The following LRRC28 variants were observed in gnomAD, a reference collection of about 807,000 sequenced individuals.
The protein encoded by LRRC28 is leucine-rich repeat-containing protein 28.
LRRC28 carries 39 observed loss-of-function variants against 45.7 expected under a neutral mutation model. The ratio of observed to expected loss-of-function variants is 0.85; its 90% CI spans 0.66 to 1.12. LRRC28 has a LOEUF of 1.12. Among genes scored for constraint, LRRC28 ranks in the 50% most tolerant of loss-of-function variants. LRRC28 has a pLI of 0.00. For missense variants in LRRC28, 435 were observed against 438.5 expected (o/e 0.99, Z 0.07); for synonymous variants, 206 against 178.8 (o/e 1.15, Z -1.22).
chr15:99,253,317 C>T (rs1231322208), intron 1 of LRRC28, among the ~76,000 whole-genome samples: 2 of 152,108 alleles, frequency 1.3e-5, no homozygotes, highest in African/African-American at 2.4e-5. Flanking sequence ...GATGGGGTTT[C>T]GCCAAGTTGG....
chr15:99,353,847 T>C (rs1271709379), intron 7 of LRRC28: 1 of 152,208 alleles, frequency 6.6e-6, no homozygotes, highest in Non-Finnish European at 1.5e-5. Flanking sequence ...TAGATATAGA[T>C]GTTATTGACT....
intron 5 of LRRC28, among the ~76,000 whole-genome samples, chr15:99,301,641 C>T (rs1954973505): frequency 2.0e-5 from 3 of 152,080 alleles, no homozygotes; most frequent in East Asian, 3.9e-4. Context: ...CATTAAAACT[C>T]AACATTTTTA....
At chr15:99,368,372 A>G (rs1431556140) in intron 9 of LRRC28, among the ~76,000 whole-genome samples, 7 of 152,128 alleles carry the variant, frequency 4.6e-5, no homozygotes. Flanking sequence ...TGCTAGAAGG[A>G]AAAAAAGGGG....
chr15:99,270,148 C>T (rs1162969250), intron 2 of LRRC28, among the ~76,000 whole-genome samples: 1 of 152,194 alleles, frequency 6.6e-6, no homozygotes, highest in Non-Finnish European at 1.5e-5. Context: ...GAAGCAATGA[C>T]ATCAACTTAT....
At chr15:99,330,873 T>A (rs920308656) in intron 5 of LRRC28, among the ~76,000 whole-genome samples, 15 of 152,290 alleles carry the variant, frequency 9.8e-5, no homozygotes, top group South Asian at 2.1e-4. Context: ...TGACTTTTTT[T>A]AACTATATAT....
chr15:99,290,585 T>G, intron 5 of LRRC28, among the ~76,000 whole-genome samples: 1 of 152,142 alleles, frequency 6.6e-6, no homozygotes, highest in African/African-American at 2.4e-5. Context: ...ACATAAGATA[T>G]ACAACCAAAA....
intron 5 of LRRC28, chr15:99,333,622 T>A (rs1956226130): frequency 2.6e-6 from 1 of 377,478 alleles, no homozygotes; most frequent in Admixed American, 4.1e-5. Flanking sequence ...ACTTGACTCA[T>A]CAAGATGCAG....
chr15:99,276,211 A>G (rs1033804855), intron 2 of LRRC28, among the ~76,000 whole-genome samples: 3 of 152,028 alleles, frequency 2.0e-5, no homozygotes, highest in Non-Finnish European at 4.4e-5. Flanking sequence ...TAATTATTTC[A>G]TTATGTATTA....
intron 6 of LRRC28, among the ~76,000 whole-genome samples, chr15:99,341,083 C>CTTTTT (rs528372394): frequency 1.3e-3 from 130 of 100,496 alleles, no homozygotes; most frequent in Admixed American, 1.6e-3. Context: ...ATTCTACTGT[C>CTTTTT]TTTTTTTTTT....
chr15:99,382,092 C>T (rs1957845617), intron 9 of LRRC28, among the ~76,000 whole-genome samples: 1 of 152,234 alleles, frequency 6.6e-6, no homozygotes, highest in Non-Finnish European at 1.5e-5. Context: ...GCAGAGGTTT[C>T]TGCTGCCTTT....
chr15:99,310,797 A>C (rs982337186), intron 5 of LRRC28, among the ~76,000 whole-genome samples: 8 of 152,062 alleles, frequency 5.3e-5, no homozygotes, highest in Non-Finnish European at 1.2e-4. Flanking sequence ...CCAACACTAT[A>C]CTCTTCTGTA....
Position 99,276,578 on chromosome 15 carries a change from A to T in LRRC28, c.171A>T (p.Pro57=), listed in dbSNP as rs1402736769. ...AATTCTGAGTTTTTAATTTTCAGCC[A>T]GAAAACCTTGCTCAGAAGCTTCCAA... is the stretch of plus-strand genomic sequence containing the variant. ...YMKRNSLTSL[P]ENLAQKLPNL... Residue 57 remains proline (P), a splice_region_variant and synonymous_variant, in exon 3 of 10, where the codon CCA becomes CCT. Transcript: ENST00000301981. 1.3e-6 allele frequency: 2 copies of T among 1,535,646 alleles called. No individual in the cohort carries two copies. Among genetic ancestry groups the T allele is most frequent in the South Asian group, 1.3e-5 (1 of 74,484 alleles).
At chr15:99,259,218 A>T in intron 2 of LRRC28, 1 of 1,083,716 alleles carries the variant, frequency 9.2e-7, no homozygotes, top group Non-Finnish European at 1.4e-6. Context: ...AAGGAAAAAC[A>T]AGACAAAATC....
At chr15:99,297,364 C>T (rs2082292394) in intron 5 of LRRC28, 1 of 151,698 alleles carries the variant, frequency 6.6e-6, no homozygotes, top group Admixed American at 6.6e-5. Context: ...CCTCCTGCCT[C>T]AGCCTCCTGA....
intron 9 of LRRC28, among the ~76,000 whole-genome samples, chr15:99,383,913 G>A (rs1296729742): frequency 6.6e-6 from 1 of 152,094 alleles, no homozygotes; most frequent in African/African-American, 2.4e-5. Flanking sequence ...ACCATTCCCA[G>A]GTGCTTAATG....
At chr15:99,267,196 A>T (rs73471380) in intron 2 of LRRC28, among the ~76,000 whole-genome samples, 1 of 152,086 alleles carries the variant, frequency 6.6e-6, no homozygotes, top group Non-Finnish European at 1.5e-5. Context: ...GACATAGATG[A>T]CTCTCTTAGC....
chr15:99,317,444 GT>G (rs1015963034), intron 5 of LRRC28: 11 of 152,098 alleles, frequency 7.2e-5, no homozygotes, highest in Admixed American at 7.2e-4. Context: ...ATAATGTATT[GT>G]TTTTCCTAAA....
intron 6 of LRRC28, among the ~76,000 whole-genome samples, chr15:99,342,722 T>G (rs1381943991): frequency 6.6e-6 from 1 of 152,224 alleles, no homozygotes; most frequent in Non-Finnish European, 1.5e-5. Flanking sequence ...GCAGCATGAA[T>G]ATTTAAACCC....
chr15:99,374,893 T>C (rs1324145504), intron 9 of LRRC28, among the ~76,000 whole-genome samples: 1 of 151,924 alleles, frequency 6.6e-6, no homozygotes, highest in East Asian at 1.9e-4. Flanking sequence ...GATCTCGATC[T>C]CCTGACCTCG....
Sources: gnomAD v4.1 joint callset for allele counts (sites outside exome capture counted in the v4.1 genomes callset) on GRCh38, gnomAD v4.1.1 for gene constraint, MANE v1.5 for transcripts, NCBI Gene and HGNC (gene_info 2026-07-23, HGNC 2026-07-21) for gene names.